Variants in DPYD observed in about 807,000 individuals in gnomAD.
The protein encoded by DPYD is dihydropyrimidine dehydrogenase [NADP(+)].
In DPYD, 109 loss-of-function variants were observed where a neutral mutation model predicts 116.2. That is an observed-to-expected ratio of 0.94 (90% CI 0.80 to 1.10). The LOEUF (loss-of-function observed/expected upper bound fraction) is 1.10, where lower values mean the gene tolerates loss of function less well. DPYD is among the 50% of genes least tolerant of loss of function. DPYD has a pLI of 0.00. For missense variants in DPYD, 1,302 were observed against 1,254.5 expected, an observed-to-expected ratio of 1.04 and a Z score of -0.57; for synonymous variants, 440 against 432.0, an observed-to-expected ratio of 1.02 and a Z score of -0.23.
intron 8 of DPYD, among the ~76,000 whole-genome samples, chr1:97,623,584 C>T (rs1317384257): frequency 6.6e-6 from 1 of 151,882 alleles, no homozygotes; most frequent in African/African-American, 2.4e-5. Flanking sequence ...GTGCAATCCC[C>T]ATGAAAATTC....
chr1:97,480,688 T>C (rs2101879515), intron 13 of DPYD, among the ~76,000 whole-genome samples: 1 of 152,276 alleles, frequency 6.6e-6, no homozygotes, highest in Non-Finnish European at 1.5e-5. Flanking sequence ...AGTTTTAAAA[T>C]ATTATAAAAA....
intron 18 of DPYD, among the ~76,000 whole-genome samples, chr1:97,271,101 T>C (rs7526691): frequency 0.077 from 11,660 of 152,108 alleles, 1,004 homozygotes; most frequent in African/African-American, 0.21. Flanking sequence ...TGTTGGCACA[T>C]TGAAGGAAGC....
intron 3 of DPYD, among the ~76,000 whole-genome samples, chr1:97,809,477 T>A (rs1214142340): frequency 6.6e-6 from 1 of 152,218 alleles, no homozygotes; most frequent in South Asian, 2.1e-4. Context: ...TTAGAGGCTG[T>A]CAGTCTTTTA....
At chr1:97,643,335 A>G (rs1372079673) in intron 8 of DPYD, among the ~76,000 whole-genome samples, 1 of 152,200 alleles carries the variant, frequency 6.6e-6, no homozygotes, top group African/African-American at 2.4e-5. Context: ...TATGAAAAAA[A>G]GCTCATCATC....
chr1:97,800,438 C>T (rs1667791131), intron 3 of DPYD, among the ~76,000 whole-genome samples: 1 of 151,836 alleles, frequency 6.6e-6, no homozygotes, highest in South Asian at 2.1e-4. Context: ...AGAAAACTAG[C>T]CTCATGGTCT....
chr1:97,269,782 T>TCA (rs1234123234), intron 18 of DPYD, among the ~76,000 whole-genome samples: 1 of 152,132 alleles, frequency 6.6e-6, no homozygotes, highest in Non-Finnish European at 1.5e-5. Flanking sequence ...TCATTTAACT[T>TCA]TCAGCACCTC....
At chr1:97,210,242 GT>G (rs935407652) in intron 19 of DPYD, among the ~76,000 whole-genome samples, 3 of 152,048 alleles carry the variant, frequency 2.0e-5, no homozygotes, top group Admixed American at 6.6e-5. Context: ...AATGTAGAGC[GT>G]TTTTTTCCCT....
At chr1:97,717,153 C>T (rs1662659889) in intron 5 of DPYD, among the ~76,000 whole-genome samples, 1 of 151,954 alleles carries the variant, frequency 6.6e-6, no homozygotes. Context: ...ATCTACTGTT[C>T]AGTAGCACAA....
intron 20 of DPYD, among the ~76,000 whole-genome samples, chr1:97,118,805 T>C (rs1652188305): frequency 6.6e-6 from 1 of 151,398 alleles, no homozygotes; most frequent in African/African-American, 2.4e-5. Context: ...TAATCACATT[T>C]ATTTGCTTCA....
intron 13 of DPYD, among the ~76,000 whole-genome samples, chr1:97,510,371 G>C (rs1186898332): frequency 6.6e-6 from 1 of 151,894 alleles, no homozygotes; most frequent in Non-Finnish European, 1.5e-5. Flanking sequence ...ATCTACTGTG[G>C]TTCTCTTGAC....
intron 20 of DPYD, among the ~76,000 whole-genome samples, chr1:97,105,943 A>G (rs968156063): frequency 1.3e-5 from 2 of 152,174 alleles, no homozygotes; most frequent in African/African-American, 4.8e-5. Context: ...TATGGCTAAA[A>G]TATACTAAAT....
chr1:97,105,621 C>T (rs927862123), intron 20 of DPYD, among the ~76,000 whole-genome samples: 1 of 151,996 alleles, frequency 6.6e-6, no homozygotes, highest in Admixed American at 6.6e-5. Flanking sequence ...CAGAAGCAAC[C>T]TAGAGAACAG....
Position 97,093,330 on chromosome 1 carries a change from AGGCTTCTT to A in DPYD, c.2766+5151_2766+5158del, listed in dbSNP as rs529840055. ...AATAAAGATTTCCTGAAAAATACATAGGCTTCTTCAAAACTTCCAACTTTTTTGGCCTC... is the reference window on the plus strand; with the variant it reads ...AATAAAGATTTCCTGAAAAATACATACAAAACTTCCAACTTTTTTGGCCTC... On this transcript the variant is annotated intron_variant, in intron 21 of 22. Transcript: ENST00000370192. Among the ~76,000 whole-genome samples, 37 of 152,276 alleles carry A rather than the reference AGGCTTCTT, an allele frequency of 2.4e-4. No homozygotes were observed. The East Asian group carries it at 5.2e-3, about 21-fold the overall frequency.
At chr1:97,699,720 C>T (rs902406862) in intron 5 of DPYD, among the ~76,000 whole-genome samples, 173 bp from the exon 6 acceptor site, 1 of 151,974 alleles carries the variant, frequency 6.6e-6, no homozygotes, top group Non-Finnish European at 1.5e-5. Flanking sequence ...GGAGTTATGG[C>T]TAACTTTCAG....
At chr1:97,124,805 T>G (rs1652711725) in intron 20 of DPYD, among the ~76,000 whole-genome samples, 4 of 152,196 alleles carry the variant, frequency 2.6e-5, no homozygotes. Context: ...AGTGATTTTC[T>G]GGATTACCTT....
At chr1:97,499,129 C>T (rs907933275) in intron 13 of DPYD, among the ~76,000 whole-genome samples, 1 of 151,470 alleles carries the variant, frequency 6.6e-6, no homozygotes, top group Non-Finnish European at 1.5e-5. Flanking sequence ...ATTTTTCTCC[C>T]TCAGGAGATA....
chr1:97,211,253 T>A (rs1430419991), intron 19 of DPYD, among the ~76,000 whole-genome samples: 1 of 152,180 alleles, frequency 6.6e-6, no homozygotes, highest in Non-Finnish European at 1.5e-5. Flanking sequence ...TACTTTCCCA[T>A]AGCTGGATGA....
intron 1 of DPYD, among the ~76,000 whole-genome samples, chr1:97,920,341 G>A (rs1254984789): frequency 2.0e-5 from 3 of 152,228 alleles, no homozygotes. Flanking sequence ...TGAATACTTC[G>A]TTCCATTCTC....
At chr1:97,540,644 A>G (rs1035277099) in intron 12 of DPYD, among the ~76,000 whole-genome samples, 1 of 152,148 alleles carries the variant, frequency 6.6e-6, no homozygotes, top group African/African-American at 2.4e-5. Context: ...GTTTTTATGG[A>G]AAGTTCATTA....
Sources: gnomAD v4.1 joint callset for allele counts (sites outside exome capture counted in the v4.1 genomes callset) on GRCh38, gnomAD v4.1.1 for gene constraint, MANE v1.5 for transcripts, NCBI Gene and HGNC (gene_info 2026-07-23, HGNC 2026-07-21) for gene names.